The following ACP3 variants were observed in gnomAD, a reference collection of about 807,000 sequenced individuals.
ACP3 encodes acid phosphatase 3.
Under a neutral mutation model 45.6 loss-of-function variants are expected in ACP3, and 38 were observed. The observed-to-expected ratio is 0.83, with a 90% CI of 0.64 to 1.09. The LOEUF (loss-of-function observed/expected upper bound fraction) is 1.09. Ranked by LOEUF, ACP3 falls within the 50% of genes least tolerant of loss-of-function variation. ACP3 has a pLI of 0.00. For missense variants in ACP3, 466 were observed against 463.2 expected (o/e 1.01, Z -0.05); for synonymous variants, 162 against 164.7 (o/e 0.98, Z 0.13).
chr3:132,348,397 C>T (rs1160052344), intron 7 of ACP3, among the ~76,000 whole-genome samples: 1 of 152,120 alleles, frequency 6.6e-6, no homozygotes, highest in Non-Finnish European at 1.5e-5. Flanking sequence ...TTCTGAGCCT[C>T]TCCAAGCCTC....
intron 9 of ACP3, among the ~76,000 whole-genome samples, chr3:132,356,191 G>A (rs1232431288): frequency 6.6e-6 from 1 of 152,180 alleles, no homozygotes; most frequent in Non-Finnish European, 1.5e-5. Context: ...AAGCACATAT[G>A]TTATATATTA....
chr3:132,325,082 G>T (rs1937274214), intron 1 of ACP3, among the ~76,000 whole-genome samples: 1 of 152,140 alleles, frequency 6.6e-6, no homozygotes. Flanking sequence ...GGTAATAATT[G>T]GTAGAGCAGC....
intron 5 of ACP3, among the ~76,000 whole-genome samples, chr3:132,340,638 C>T (rs1403710434): frequency 6.6e-6 from 1 of 152,060 alleles, no homozygotes; most frequent in Non-Finnish European, 1.5e-5. Context: ...CTAATTGCTC[C>T]ATCATTGTTT....
At chr3:132,337,336 C>A in intron 4 of ACP3, 120 bp from the exon 5 acceptor site, 1 of 593,402 alleles carries the variant, frequency 1.7e-6, no homozygotes, top group Non-Finnish European at 3.0e-6. Flanking sequence ...CAGCTCAAAA[C>A]ACATTTGAAT....
At chr3:132,343,353 T>C (rs1937573090) in intron 6 of ACP3, among the ~76,000 whole-genome samples, 1 of 152,216 alleles carries the variant, frequency 6.6e-6, no homozygotes, top group South Asian at 2.1e-4. Flanking sequence ...CGTAGTTCTA[T>C]CTTAATAACA....
At chr3:132,352,445 G>A (rs1453439404) in intron 8 of ACP3, among the ~76,000 whole-genome samples, 2 of 150,432 alleles carry the variant, frequency 1.3e-5, no homozygotes, top group African/African-American at 2.5e-5. Flanking sequence ...TGATCCACCT[G>A]CCTCGGGCTC....
intron 1 of ACP3, among the ~76,000 whole-genome samples, chr3:132,325,402 C>A (rs934479258): frequency 6.6e-6 from 1 of 152,238 alleles, no homozygotes; most frequent in South Asian, 2.1e-4. Context: ...GAAAGTTTGC[C>A]CAAGTCTCAT....
rs770879497 is a variant in ACP3, at chr3:132,367,768, T to A, written c.1203T>A (p.Phe401Leu). ...CTGCTGTCCTAATGGTACTACTGTT[T>A]ATCCACATTCGCCGTGGACTCTGCT... Residue 401 changes from phenylalanine to leucine, a missense_variant, in exon 11 of 11, where the codon TTT (phenylalanine) becomes TTA (leucine). Transcript: ENST00000351273. The A allele has an allele frequency of 1.9e-5, 31 of 1,613,880 alleles. 1 individual carries two copies. The South Asian group carries it at 3.3e-4, about 17-fold the overall frequency.
At position 132,345,057 on chromosome 3, in the gene ACP3, G is replaced by T. The variant is rs751924131; in HGVS notation, c.779G>T (p.Gly260Val). 2 of 1,612,760 alleles carry T rather than the reference G, an allele frequency of 1.2e-6. No homozygotes were observed. The highest frequency in any genetic ancestry group is 1.7e-6 in the Non-Finnish European group (2 of 1,179,358). The change falls in exon 7 of 10, where the codon GGG becomes GTG. Residue 260 changes from glycine to valine, a missense_variant and splice_region_variant. By Grantham distance (109) the Gly-to-Val change is moderately radical. Coordinates refer to ENST00000336375, the MANE Select transcript of ACP3 (RefSeq NM_001099.5). Reference sequence around the variant, plus strand: ...CAGAAAGAGAAATCTAGGCTCCAAGGGGGTAAGTATTAAAAAATGAGAGGA... The same window carrying T: ...CAGAAAGAGAAATCTAGGCTCCAAGTGGGTAAGTATTAAAAAATGAGAGGA... ...HKQKEKSRLQ[G>V]GVLVNEILNH...
intron 1 of ACP3, among the ~76,000 whole-genome samples, chr3:132,320,943 G>T (rs1159107244): frequency 6.6e-6 from 1 of 152,104 alleles, no homozygotes; most frequent in Non-Finnish European, 1.5e-5. Context: ...GAGCCACTGC[G>T]CCTGGCATAA....
At chr3:132,366,396 T>C (rs1030329486) in intron 10 of ACP3, among the ~76,000 whole-genome samples, 16 of 151,702 alleles carry the variant, frequency 1.1e-4, no homozygotes, top group Non-Finnish European at 1.9e-4. Flanking sequence ...ACGATGGTGG[T>C]TCAAAGCAGG....
chr3:132,337,379 C>A, intron 4 of ACP3, 77 bp from the exon 5 acceptor site: 1 of 933,836 alleles, frequency 1.1e-6, no homozygotes, highest in Non-Finnish European at 1.7e-6. Flanking sequence ...CCTAATGAGG[C>A]TTAAAATATT....
At chr3:132,328,176 A>G (rs1937332531) in intron 1 of ACP3, 91 bp from the exon 2 acceptor site, 1 of 963,770 alleles carries the variant, frequency 1.0e-6, no homozygotes, top group Admixed American at 2.7e-5. Context: ...AGTTAAAACC[A>G]ATGAGTTAGA....
rs370199595 is a variant in ACP3, at chr3:132,353,158, AT to A, written c.968+341del. Among the ~76,000 whole-genome samples the A allele has an allele frequency of 1.1e-4, 16 of 152,312 alleles. No homozygotes were observed. In the South Asian group the frequency reaches 3.1e-3, roughly 30 times the overall value. ...AATTTCTTGATGGTTATATAATAATATTTTTTCAATTAAAGAATTCAAACAT... is the reference window on the plus strand; with the variant it reads ...AATTTCTTGATGGTTATATAATAATATTTTTCAATTAAAGAATTCAAACAT... On this transcript the variant is annotated intron_variant, in intron 9 of 9. Transcript: ENST00000336375.
At chr3:132,326,399 C>T (rs1342104074) in intron 1 of ACP3, among the ~76,000 whole-genome samples, 4 of 152,158 alleles carry the variant, frequency 2.6e-5, no homozygotes, top group Non-Finnish European at 5.9e-5. Context: ...CAATGATTAA[C>T]CATAATCATT....
intron 10 of ACP3, among the ~76,000 whole-genome samples, chr3:132,366,958 C>T (rs1938141760): frequency 6.6e-6 from 1 of 152,136 alleles, no homozygotes; most frequent in Non-Finnish European, 1.5e-5. Context: ...CTGATGGGAT[C>T]AGAGGGATGT....
intron 2 of ACP3, among the ~76,000 whole-genome samples, chr3:132,329,327 G>A (rs1937358118): frequency 6.6e-6 from 1 of 152,156 alleles, no homozygotes; most frequent in Admixed American, 6.5e-5. Flanking sequence ...TGCCTGGGAG[G>A]TTCTTATTTA....
chr3:132,354,645 C>T (rs9790120), intron 9 of ACP3, among the ~76,000 whole-genome samples: 72,385 of 151,890 alleles, frequency 0.48, 18,016 homozygotes, highest in Middle Eastern at 0.65. Flanking sequence ...TGAGAAGATA[C>T]GGAGAGAGAC....
At chr3:132,339,659 A>G (rs533453568) in intron 5 of ACP3, among the ~76,000 whole-genome samples, 5 of 152,236 alleles carry the variant, frequency 3.3e-5, no homozygotes, top group Non-Finnish European at 5.9e-5. Context: ...AAGGTCAAGG[A>G]GCTTGCCTGC....
Sources: allele counts gnomAD v4.1 joint callset (sites outside exome capture counted in the v4.1 genomes callset), GRCh38; gene constraint gnomAD v4.1.1; transcripts MANE v1.5; gene names NCBI Gene and HGNC (gene_info 2026-07-23, HGNC 2026-07-21).